The following COL1A2 variants were observed in gnomAD, a reference collection of about 807,000 sequenced individuals.
The protein encoded by COL1A2 is collagen type I alpha 2 chain, also known as collagen alpha-2(I) chain.
A neutral mutation model predicts 174.3 loss-of-function variants in COL1A2; 49 were observed. The ratio of observed to expected loss-of-function variants is 0.28; its 90% CI spans 0.22 to 0.36. The LOEUF (loss-of-function observed/expected upper bound fraction) is 0.36. COL1A2 is among the 10% of genes least tolerant of loss of function. The pLI is 1.00. For synonymous variants in COL1A2, 655 were observed against 606.6 expected, an observed-to-expected ratio of 1.08 and a Z score of -1.17; for missense variants, 1,438 against 1,822.7, an observed-to-expected ratio of 0.79 and a Z score of 3.84.
intron 51 of COL1A2, 162 bp downstream of exon 51, chr7:94,429,592 A>G: frequency 1.6e-6 from 1 of 644,860 alleles, no homozygotes; most frequent in South Asian, 2.1e-5. Flanking sequence ...TGTATTTTAT[A>G]TTTATTTATT....
intron 51 of COL1A2, chr7:94,429,811 T>C (rs1433990746): frequency 3.9e-6 from 1 of 253,380 alleles, no homozygotes; most frequent in Non-Finnish European, 7.6e-6. Flanking sequence ...GTATTTTATT[T>C]TACTTATTAG....
At chr7:94,408,621 C>T in intron 15 of COL1A2, 149 bp from the exon 16 acceptor site, 1 of 990,052 alleles carries the variant, frequency 1.0e-6, no homozygotes, top group Admixed American at 2.0e-5. Flanking sequence ...TTGATGAGAT[C>T]CTAACGACAA....
At position 94,423,025 on chromosome 7, in the gene COL1A2, C is replaced by T. The variant is rs1363878282; in HGVS notation, c.2472C>T (p.Asp824=). ...AAGGGCTTCGTGGTCCTCGTGGTGA[C>T]CAAGGTCCAGTTGGCCGAACTGGAG... ...GKEGLRGPRG[D]QGPVGRTGEV... The change falls in exon 40 of 52, where the codon GAC becomes GAT. Residue 824 remains aspartate, a synonymous_variant. Coordinates refer to ENST00000297268, the MANE Select transcript of COL1A2 (RefSeq NM_000089.4). The T allele has an allele frequency of 1.9e-6, 3 of 1,614,026 alleles. No individual in the cohort carries two copies. Among genetic ancestry groups the T allele is most frequent in the East Asian group, 4.5e-5 (2 of 44,878 alleles).
At chr7:94,405,105 A>T in intron 9 of COL1A2, 94 bp from the exon 10 acceptor site, 1 of 1,313,622 alleles carries the variant, frequency 7.6e-7, no homozygotes, top group Non-Finnish European at 1.1e-6. Flanking sequence ...TTTTTATGTG[A>T]TAACTTTCTC....
intron 49 of COL1A2, 35 bp from the exon 50 acceptor site, chr7:94,428,258 G>A (rs775389108): frequency 6.6e-7 from 1 of 1,512,738 alleles, no homozygotes; most frequent in Non-Finnish European, 9.2e-7. Context: ...TGCTCAATGA[G>A]AAGTTTCATG....
intron 46 of COL1A2, chr7:94,426,773 C>T (rs920200609): frequency 4.8e-6 from 3 of 624,820 alleles, no homozygotes; most frequent in Admixed American, 2.8e-5. Flanking sequence ...CCTTCAACCC[C>T]ACTTAAAATA....
intron 6 of COL1A2, among the ~76,000 whole-genome samples, chr7:94,403,137 T>TAAGCC (rs1291320875): frequency 6.6e-6 from 1 of 152,174 alleles, no homozygotes; most frequent in Non-Finnish European, 1.5e-5. Flanking sequence ...CTACTAAATG[T>TAAGCC]CATTTTTAAA....
intron 19 of COL1A2, among the ~76,000 whole-genome samples, chr7:94,410,031 A>C (rs75407653): frequency 6.6e-6 from 1 of 152,204 alleles, no homozygotes; most frequent in African/African-American, 2.4e-5. Context: ...CATTACCTCA[A>C]GGTAAATGAG....
intron 26 of COL1A2, 21 bp from the exon 27 acceptor site, chr7:94,413,669 C>T (rs1309382172): frequency 6.2e-7 from 1 of 1,613,480 alleles, no homozygotes; most frequent in Non-Finnish European, 8.5e-7. Context: ...AACCATCAGC[C>T]TTTCTGTTAA....
chr7:94,405,621 CTTTT>C (rs1031665990), intron 10 of COL1A2, 48 bp from the exon 11 acceptor site: 57 of 1,507,306 alleles, frequency 3.8e-5, no homozygotes, highest in South Asian at 3.3e-4. Context: ...AAGTCACTGT[CTTTT>C]TATTTATGGT....
chr7:94,424,583 T>C (rs766783867), intron 41 of COL1A2, 140 bp downstream of exon 41: 3 of 721,868 alleles, frequency 4.2e-6, no homozygotes, highest in Non-Finnish European at 7.1e-6. Context: ...AGATCACATG[T>C]CACTTATCTA....
chr7:94,398,519 TTAG>T, intron 3 of COL1A2, 123 bp downstream of exon 3: 1 of 376,294 alleles, frequency 2.7e-6, no homozygotes, highest in African/African-American at 2.2e-5. Flanking sequence ...TGAATATACA[TTAG>T]CTAAAGCATA....
rs139528613 is a variant in COL1A2 at position 94,399,074 on chromosome 7, G to A, written c.122G>A (p.Arg41His). The change falls in exon 4 of 52, where the codon CGT (arginine) becomes CAT (histidine). Residue 41 changes from arginine to histidine, a missense_variant. Physicochemically the swap from Arg to His is conservative, Grantham distance 29. Around this residue, in one of 3 missense-constraint regions of COL1A2, gnomAD observed 281 missense variants for 310.9 expected, o/e 0.90. Transcript: ENST00000297268. Reference sequence around the variant, plus strand: ...GGCCCAGCCGGAGATAGAGGACCACGTGGAGAAAGGGTGTGTAATTTTTGA... The same window carrying A: ...GGCCCAGCCGGAGATAGAGGACCACATGGAGAAAGGGTGTGTAATTTTTGA... ...RKGPAGDRGPRGERGPPGPPG... is the reference protein window; with the variant it reads ...RKGPAGDRGPHGERGPPGPPG... 5.2e-4 allele frequency: 840 copies of A among 1,613,620 alleles called. 1 individual carries two copies. In the African/African-American group the frequency reaches 0.01, roughly 19 times the overall value.
In COL1A2 at chr7:94,421,003, A is replaced by G. The variant is rs1004706789; in HGVS notation, c.2296-6A>G. ...GATTTGACTCCATCTTTTTGTTTGCATTTAGGGTCCAAATGGTCCCCCCGG... is the reference window on the plus strand; with the variant it reads ...GATTTGACTCCATCTTTTTGTTTGCGTTTAGGGTCCAAATGGTCCCCCCGG... On this transcript the variant is annotated splice_polypyrimidine_tract_variant and splice_region_variant and intron_variant, in intron 37 of 51. Coordinates refer to ENST00000297268, the MANE Select transcript of COL1A2 (RefSeq NM_000089.4). 2.4e-5 allele frequency: 38 copies of G among 1,613,916 alleles called. No homozygotes were observed. Among genetic ancestry groups the G allele is most frequent in the Non-Finnish European group, 3.1e-5 (36 of 1,179,966 alleles).
chr7:94,399,360 G>A (rs1244059800), intron 4 of COL1A2, among the ~76,000 whole-genome samples: 1 of 152,088 alleles, frequency 6.6e-6, no homozygotes, highest in Non-Finnish European at 1.5e-5. Flanking sequence ...TCCAACACAT[G>A]CATAATGGAA....
At chr7:94,415,452 C>T (rs371957494) in intron 30 of COL1A2, among the ~76,000 whole-genome samples, 182 bp downstream of exon 30, 236 of 152,232 alleles carry the variant, frequency 1.6e-3, no homozygotes, top group Non-Finnish European at 2.3e-3. Flanking sequence ...TTTCATTGCT[C>T]ATATTTCCTA....
At chr7:94,400,039 G>T in intron 4 of COL1A2, 157 bp from the exon 5 acceptor site, 1 of 790,900 alleles carries the variant, frequency 1.3e-6, no homozygotes, top group South Asian at 1.3e-5. Flanking sequence ...TTCTAAAATA[G>T]ACTCATAAGT....
rs1432825020 is a variant in COL1A2, at chr7:94,421,838, A to G, written c.2350-61A>G. 4.5e-6 allele frequency: 7 copies of G among 1,557,562 alleles called. No individual in the cohort carries two copies. The African/African-American group carries it at 5.4e-5, about 12-fold the overall frequency. On this transcript the variant is annotated intron_variant, in intron 38 of 51. Coordinates refer to ENST00000297268, the MANE Select transcript of COL1A2 (RefSeq NM_000089.4). ...GATTTTCCAAAACAAAGAAATTCCC[A>G]TCTTACCCAAATTCTTGGAGTTGAT...
intron 41 of COL1A2, 57 bp downstream of exon 41, chr7:94,424,500 C>A: frequency 1.4e-6 from 2 of 1,456,102 alleles, no homozygotes; most frequent in Non-Finnish European, 1.9e-6. Context: ...TTAAAAGCTG[C>A]CACTTCAAAT....
Sources: allele counts gnomAD v4.1 joint callset (sites outside exome capture counted in the v4.1 genomes callset), GRCh38; gene constraint gnomAD v4.1.1; regional missense constraint gnomAD v4.1.1; transcripts MANE v1.5; gene names NCBI Gene and HGNC (gene_info 2026-07-23, HGNC 2026-07-21).